DAAM1: variants seen among roughly 807,000 people sequenced by gnomAD.
DAAM1 encodes disheveled-associated activator of morphogenesis 1.
Under a neutral mutation model 130.0 loss-of-function variants are expected in DAAM1, and 52 were observed. The observed-to-expected ratio is 0.40, with a 90% CI of 0.32 to 0.50. The LOEUF (loss-of-function observed/expected upper bound fraction) is 0.50, where lower values mean the gene tolerates loss of function less well. Among genes scored for constraint, DAAM1 ranks in the 20% least tolerant of loss-of-function variants. The pLI is 0.61. For missense variants in DAAM1, 1,134 were observed against 1,303.8 expected (o/e 0.87, Z 2.01); for synonymous variants, 452 against 444.5 (o/e 1.02, Z -0.21).
chr14:59,248,220 A>G (rs1881480028), intron 1 of DAAM1, among the ~76,000 whole-genome samples: 1 of 152,226 alleles, frequency 6.6e-6, no homozygotes. Flanking sequence ...ACACCTAATT[A>G]TTTAGAAAAT....
intron 1 of DAAM1, among the ~76,000 whole-genome samples, chr14:59,227,542 G>T (rs1269938): frequency 1.3e-5 from 2 of 152,118 alleles, no homozygotes; most frequent in Non-Finnish European, 2.9e-5. Flanking sequence ...TATTTATCTT[G>T]TGCTGCATAA....
At chr14:59,325,819 A>C in intron 9 of DAAM1, 89 bp downstream of exon 9, 1 of 1,551,902 alleles carries the variant, frequency 6.4e-7, no homozygotes, top group Non-Finnish European at 8.9e-7. Context: ...CATGGACTTT[A>C]GGGCAACCTA....
Position 59,370,712 on chromosome 14 carries a change from T to A in DAAM1, c.*1853T>A, listed in dbSNP as rs899942905. On this transcript the variant is annotated 3_prime_UTR_variant, in exon 25 of 25. Transcript: ENST00000360909. The stretch of plus-strand genomic sequence containing the variant: ...CCCCAATCCCGAGTTAACCCAGGTC[T>A]GCAATAACACCATGTTAAAGGTGCA... 1.3e-5 allele frequency: 2 copies of A among 152,158 alleles called. No individual in the cohort carries two copies. Among genetic ancestry groups the A allele is most frequent in the Admixed American group, 1.3e-4 (2 of 15,274 alleles). The allele number at this position is 152,158 out of a possible 1,614,324, so 9.4% of individuals were successfully genotyped here. A position where few individuals can be genotyped will look rare whatever the true frequency, so the allele number is the denominator to read the frequency against.
chr14:59,325,558 A>T (rs764094315), intron 8 of DAAM1, 106 bp from the exon 9 acceptor site: 24 of 949,496 alleles, frequency 2.5e-5, no homozygotes, highest in African/African-American at 5.0e-5. Context: ...CCTTTTTGAG[A>T]TATCTCTGAA....
At chr14:59,315,577 TA>T (rs1884760208) in intron 4 of DAAM1, among the ~76,000 whole-genome samples, 1 of 152,218 alleles carries the variant, frequency 6.6e-6, no homozygotes, top group Admixed American at 6.5e-5. Context: ...CACTGCAATA[TA>T]ATTGAGTTTA....
chr14:59,290,942 A>G (rs1484603776), intron 2 of DAAM1, among the ~76,000 whole-genome samples: 2 of 152,134 alleles, frequency 1.3e-5, no homozygotes, highest in East Asian at 3.8e-4. Flanking sequence ...CTCAGGATGG[A>G]TAATTCTGTC....
At chr14:59,347,394 G>T (rs1252210478) in intron 16 of DAAM1, 145 bp from the exon 17 acceptor site, 2 of 719,082 alleles carry the variant, frequency 2.8e-6, no homozygotes, top group African/African-American at 1.8e-5. Flanking sequence ...CTATTTTTAG[G>T]TGCAATATTG....
intron 1 of DAAM1, among the ~76,000 whole-genome samples, chr14:59,194,301 C>T (rs1039544620): frequency 9.2e-5 from 14 of 152,136 alleles, no homozygotes; most frequent in African/African-American, 3.1e-4. Flanking sequence ...TTCTTACAGC[C>T]TGATTTTCTG....
At chr14:59,364,452 C>T (rs1398017571) in intron 23 of DAAM1, among the ~76,000 whole-genome samples, 1 of 152,022 alleles carries the variant, frequency 6.6e-6, no homozygotes, top group East Asian at 1.9e-4. Context: ...TCAGCTTCAC[C>T]TCACTCCTCT....
At chr14:59,360,359 A>G (rs1240286530) in intron 21 of DAAM1, among the ~76,000 whole-genome samples, 2 of 152,234 alleles carry the variant, frequency 1.3e-5, no homozygotes, top group South Asian at 2.1e-4. Flanking sequence ...TGTAATAGTC[A>G]TATTATTGGG....
At chr14:59,312,487 G>A (rs181047157) in intron 3 of DAAM1, among the ~76,000 whole-genome samples, 6 of 152,332 alleles carry the variant, frequency 3.9e-5, no homozygotes, top group Admixed American at 3.3e-4. Flanking sequence ...GGTGGTGAGA[G>A]AAGTGTATCA....
chr14:59,214,175 G>C (rs74965015), intron 1 of DAAM1, among the ~76,000 whole-genome samples: 1 of 152,218 alleles, frequency 6.6e-6, no homozygotes, highest in Non-Finnish European at 1.5e-5. Context: ...ACTGGAGCAG[G>C]TGTCTGGTGA....
chr14:59,308,356 G>A (rs1041182489), intron 3 of DAAM1, among the ~76,000 whole-genome samples: 6 of 152,178 alleles, frequency 3.9e-5, no homozygotes, highest in African/African-American at 1.4e-4. Flanking sequence ...GAAGATTTGG[G>A]GAGGATATAA....
intron 16 of DAAM1, among the ~76,000 whole-genome samples, chr14:59,344,389 C>T (rs1045662169): frequency 6.6e-6 from 1 of 152,154 alleles, no homozygotes; most frequent in Non-Finnish European, 1.5e-5. Context: ...TGTTTCCTGC[C>T]TTGTAAAGAA....
At chr14:59,336,767 T>C (rs1005398360) in intron 15 of DAAM1, among the ~76,000 whole-genome samples, 2 of 152,188 alleles carry the variant, frequency 1.3e-5, no homozygotes, top group African/African-American at 4.8e-5. Flanking sequence ...GGGGAATAAG[T>C]GGACTTGATC....
chr14:59,218,137 A>G (rs1265745362), intron 1 of DAAM1, among the ~76,000 whole-genome samples: 2 of 152,166 alleles, frequency 1.3e-5, no homozygotes, highest in Non-Finnish European at 2.9e-5. Flanking sequence ...CATCTCCAAA[A>G]AAAGAAAAAA....
intron 1 of DAAM1, among the ~76,000 whole-genome samples, chr14:59,204,824 G>T (rs1013522827): frequency 6.6e-6 from 1 of 152,176 alleles, no homozygotes; most frequent in Non-Finnish European, 1.5e-5. Flanking sequence ...TTGAGGTCAG[G>T]AGTTCGAGAC....
At chr14:59,270,556 A>G (rs1882666358) in intron 2 of DAAM1, among the ~76,000 whole-genome samples, 1 of 152,098 alleles carries the variant, frequency 6.6e-6, no homozygotes, top group Admixed American at 6.5e-5. Flanking sequence ...TCAACATGAG[A>G]TTTGGAGGGG....
rs528720442 is a variant in DAAM1, at chr14:59,191,913, GATGTGAAAGAA to G, written c.-38+3157_-38+3167del. ...CAGGATCAGTTGTTTCAGGCTGGTT[GATGTGAAAGAA>G]ATGTGAAAGAACATTTGCCCAATAT... On this transcript the variant is annotated intron_variant, in intron 1 of 24. Transcript: ENST00000360909. 2.5e-3 allele frequency among the ~76,000 whole-genome samples: 381 copies of G among 152,298 alleles called. 4 individuals are homozygous for G. The highest frequency in any genetic ancestry group is 1.5e-3 in the Non-Finnish European group (103 of 68,038).
Sources: gnomAD v4.1 joint callset for allele counts (sites outside exome capture counted in the v4.1 genomes callset) on GRCh38, gnomAD v4.1.1 for gene constraint, MANE v1.5 for transcripts, NCBI Gene and HGNC (gene_info 2026-07-23, HGNC 2026-07-21) for gene names.